The following NEK11 variants were observed in gnomAD, a reference collection of about 807,000 sequenced individuals.
NEK11 encodes serine/threonine-protein kinase Nek11.
Under a neutral mutation model 80.7 loss-of-function variants are expected in NEK11, and 72 were observed. The ratio of observed to expected loss-of-function variants is 0.89; its 90% CI spans 0.74 to 1.08. NEK11 has a LOEUF of 1.08. Among genes scored for constraint, NEK11 ranks in the 50% least tolerant of loss-of-function variants. The pLI is 0.00. For missense variants in NEK11, 764 were observed against 763.6 expected (o/e 1.00, Z -0.01); for synonymous variants, 251 against 260.7 (o/e 0.96, Z 0.36).
intron 16 of NEK11, among the ~76,000 whole-genome samples, chr3:131,253,571 A>G (rs553203325): frequency 2.0e-5 from 3 of 152,108 alleles, no homozygotes; most frequent in African/African-American, 7.2e-5. Context: ...ATGTTTATAA[A>G]GTTTGCATTA....
intron 15 of NEK11, among the ~76,000 whole-genome samples, chr3:131,231,543 G>A (rs2095330455): frequency 6.6e-6 from 1 of 151,028 alleles, no homozygotes. Flanking sequence ...AAAAAATAGA[G>A]TAATTTGTTT....
At chr3:131,209,262 A>G (rs2094537070) in intron 14 of NEK11, among the ~76,000 whole-genome samples, 1 of 152,134 alleles carries the variant, frequency 6.6e-6, no homozygotes, top group Non-Finnish European at 1.5e-5. Context: ...GGTTCTGTTT[A>G]TATGATGGAT....
chr3:131,045,913 T>C (rs760982617), intron 3 of NEK11, among the ~76,000 whole-genome samples: 1 of 152,102 alleles, frequency 6.6e-6, no homozygotes, highest in Non-Finnish European at 1.5e-5. Context: ...TTGTCTGATA[T>C]AAGAATAGCT....
intron 11 of NEK11, among the ~76,000 whole-genome samples, chr3:131,163,490 TAGAA>T (rs1430050754): frequency 2.0e-5 from 3 of 151,760 alleles, no homozygotes; most frequent in Non-Finnish European, 2.9e-5. Context: ...AAGCCAGGCA[TAGAA>T]AGACAAATAC....
At chr3:131,093,763 G>A (rs995797436) in intron 4 of NEK11, among the ~76,000 whole-genome samples, 1 of 151,938 alleles carries the variant, frequency 6.6e-6, no homozygotes, top group African/African-American at 2.4e-5. Flanking sequence ...TTTGTTACAT[G>A]GTGAACTAGA....
chr3:131,130,425 A>G (rs564991030), intron 5 of NEK11, among the ~76,000 whole-genome samples: 1 of 152,190 alleles, frequency 6.6e-6, no homozygotes, highest in Non-Finnish European at 1.5e-5. Flanking sequence ...TTCCTTTTAC[A>G]CTTCCTTTTC....
intron 17 of NEK11, chr3:131,327,613 A>C (rs1582033452): frequency 6.6e-6 from 1 of 151,974 alleles, no homozygotes; most frequent in East Asian, 1.9e-4. Context: ...CACACTCTTT[A>C]TTTATACATA....
At chr3:131,295,248 A>G (rs953909853) in intron 17 of NEK11, among the ~76,000 whole-genome samples, 11 of 151,850 alleles carry the variant, frequency 7.2e-5, no homozygotes, top group African/African-American at 2.7e-4. Flanking sequence ...TAGGTTGAGT[A>G]TCCCTTATCT....
At chr3:131,061,489 G>A (rs757305241) in intron 3 of NEK11, among the ~76,000 whole-genome samples, 3 of 151,744 alleles carry the variant, frequency 2.0e-5, no homozygotes, top group South Asian at 2.1e-4. Context: ...AGTGTATCTC[G>A]GTGTTGGCTA....
intron 14 of NEK11, among the ~76,000 whole-genome samples, chr3:131,186,433 G>A (rs1230204088): frequency 2.6e-5 from 4 of 152,114 alleles, no homozygotes; most frequent in Non-Finnish European, 5.9e-5. Context: ...CTACAAATGT[G>A]TATCAAGATA....
intron 4 of NEK11, among the ~76,000 whole-genome samples, chr3:131,081,036 G>T (rs547811708): frequency 6.6e-6 from 1 of 152,296 alleles, no homozygotes; most frequent in East Asian, 1.9e-4. Context: ...CTTGAGCCTA[G>T]CAGTTCAAGG....
chr3:131,331,836 C>T (rs915882123), intron 17 of NEK11, among the ~76,000 whole-genome samples: 10 of 152,206 alleles, frequency 6.6e-5, no homozygotes, highest in Non-Finnish European at 1.5e-4. Flanking sequence ...TCGGAGGGTC[C>T]TACAACCACA....
intron 17 of NEK11, among the ~76,000 whole-genome samples, chr3:131,320,407 G>A (rs2096884901): frequency 6.6e-6 from 1 of 152,040 alleles, no homozygotes; most frequent in African/African-American, 2.4e-5. Context: ...CTCATGCAAG[G>A]CTGGTGTTCT....
chr3:131,032,838 C>T (rs1236197892), intron 3 of NEK11, among the ~76,000 whole-genome samples: 1 of 152,114 alleles, frequency 6.6e-6, no homozygotes, highest in African/African-American at 2.4e-5. Context: ...CACAGATTCA[C>T]CTTAATTATA....
chr3:131,069,786 A>C (rs1447427995), intron 3 of NEK11, among the ~76,000 whole-genome samples: 3 of 146,662 alleles, frequency 2.0e-5, no homozygotes, highest in Non-Finnish European at 4.5e-5. Context: ...ATGAGATCAC[A>C]TGGACACAGG....
rs111922502 is a variant in NEK11, at chr3:131,292,535, A to G, written c.1718+18961A>G. The stretch of plus-strand genomic sequence containing the variant: ...AACATCTTTTTTTTTTTTTTTTTAG[A>G]GATAGAGTCTCACTCTATAGCCCAG... On this transcript the variant is annotated intron_variant, in intron 17 of 17. Transcript: ENST00000383366. Among the ~76,000 whole-genome samples the G allele has an allele frequency of 1.2e-3, 180 of 145,142 alleles. 1 individual carries two copies. Among genetic ancestry groups the G allele is most frequent in the African/African-American group, 4.3e-3 (169 of 39,198 alleles).
At chr3:131,152,327 G>A in intron 7 of NEK11, 61 bp from the exon 8 acceptor site, 1 of 1,469,986 alleles carries the variant, frequency 6.8e-7, no homozygotes, top group Non-Finnish European at 9.2e-7. Context: ...GGTTTTGTAT[G>A]ATGAAAAAAT....
intron 17 of NEK11, among the ~76,000 whole-genome samples, chr3:131,291,319 C>A (rs2096541147): frequency 6.6e-6 from 1 of 152,106 alleles, no homozygotes; most frequent in African/African-American, 2.4e-5. Flanking sequence ...CACAGTTTAT[C>A]CATTCATCTG....
At chr3:131,195,582 A>G (rs2093969827) in intron 14 of NEK11, among the ~76,000 whole-genome samples, 1 of 151,862 alleles carries the variant, frequency 6.6e-6, no homozygotes, top group Non-Finnish European at 1.5e-5. Context: ...CTCATGTGTT[A>G]TTCTTATATT....
Sources: gnomAD v4.1 joint callset for allele counts (sites outside exome capture counted in the v4.1 genomes callset) on GRCh38, gnomAD v4.1.1 for gene constraint, MANE v1.5 for transcripts, NCBI Gene and HGNC (gene_info 2026-07-23, HGNC 2026-07-21) for gene names.